The following CNNM4 variants were observed in gnomAD, a reference collection of about 807,000 sequenced individuals.
The protein encoded by CNNM4 is metal transporter CNNM4.
A neutral mutation model predicts 53.7 loss-of-function variants in CNNM4; 32 were observed. The ratio of observed to expected loss-of-function variants is 0.60; its 90% CI spans 0.45 to 0.80. CNNM4 has a LOEUF of 0.80. Ranked by LOEUF, CNNM4 falls within the 30% of genes least tolerant of loss-of-function variation. The pLI is 0.00. For missense variants in CNNM4, 784 were observed against 1,022.0 expected (o/e 0.77, Z 3.17); for synonymous variants, 410 against 440.0 (o/e 0.93, Z 0.85).
chr2:96,762,068 G>C lies in CNNM4; in HGVS notation c.1069G>C (p.Glu357Gln). Reference protein sequence around the residue: ...VTEPYNDLVKEELNMIQGALE... With the variant: ...VTEPYNDLVKQELNMIQGALE... ...GGAGCCCTATAATGACCTCGTGAAAGAGGAGCTCAATATGATCCAGGGTGC... is the reference window on the plus strand; with the variant it reads ...GGAGCCCTATAATGACCTCGTGAAACAGGAGCTCAATATGATCCAGGGTGC... The change falls in exon 1 of 7, where the codon GAG becomes CAG. Residue 357 changes from glutamate to glutamine, a missense_variant. This residue lies in a region of CNNM4 where 473 missense variants were observed against 624.6 expected (regional missense o/e 0.76). Transcript: ENST00000377075. The C allele has an allele frequency of 6.2e-7, 1 of 1,614,148 alleles. No individual in the cohort carries two copies. Among genetic ancestry groups the C allele is most frequent in the Non-Finnish European group, 8.5e-7 (1 of 1,180,036 alleles).
chr2:96,798,050 TG>T (rs1254373807), intron 3 of CNNM4, among the ~76,000 whole-genome samples: 14 of 151,862 alleles, frequency 9.2e-5, no homozygotes, highest in Non-Finnish European at 2.1e-4. Context: ...CCAGGCATGG[TG>T]GTGCCCTCCT....
At chr2:96,792,056 G>A (rs1003155338) in intron 1 of CNNM4, among the ~76,000 whole-genome samples, 4 of 151,512 alleles carry the variant, frequency 2.6e-5, no homozygotes, top group African/African-American at 9.7e-5. Flanking sequence ...GAGCAGGAGA[G>A]TAGCCTGGCC....
intron 1 of CNNM4, among the ~76,000 whole-genome samples, chr2:96,792,424 C>T (rs2079069930): frequency 6.6e-6 from 1 of 152,108 alleles, no homozygotes; most frequent in Non-Finnish European, 1.5e-5. Context: ...TTCTTTCCAT[C>T]TTCGGCCTCC....
At chr2:96,765,278 C>T (rs2078806265) in intron 1 of CNNM4, among the ~76,000 whole-genome samples, 1 of 151,338 alleles carries the variant, frequency 6.6e-6, no homozygotes. Flanking sequence ...GGGCATGTGC[C>T]ACCACCCCTG....
At chr2:96,807,260 C>T (rs577643658) in intron 5 of CNNM4, among the ~76,000 whole-genome samples, 2 of 152,230 alleles carry the variant, frequency 1.3e-5, no homozygotes, top group African/African-American at 4.8e-5. Context: ...CTGCCCGCAT[C>T]GGCCTCCTAA....
chr2:96,808,737 A>C lies in CNNM4; in HGVS notation c.2125A>C (p.Ile709Leu). 1 of 1,614,084 alleles carries C rather than the reference A, an allele frequency of 6.2e-7. No homozygotes were observed. The highest frequency in any genetic ancestry group is 8.5e-7 in the Non-Finnish European group (1 of 1,179,976). The change falls in exon 6 of 7, where the codon ATC becomes CTC. Residue 709 changes from isoleucine to leucine, a missense_variant. Coordinates refer to ENST00000377075, the MANE Select transcript of CNNM4 (RefSeq NM_020184.4). This position sits in a 1 kb window ranked among gnomAD's most constrained non-coding sequence, Gnocchi z 4.9. ...CCGGGCACTCGTGGACTTGCAGTAC[A>C]TCAAGGTGAGTGCCTCACTGCCCTG... ...SVRALVDLQYIKITRQQYQNG... is the reference protein window; with the variant it reads ...SVRALVDLQYLKITRQQYQNG...
At chr2:96,777,556 A>G (rs1364744794) in intron 1 of CNNM4, among the ~76,000 whole-genome samples, 12 of 152,050 alleles carry the variant, frequency 7.9e-5, no homozygotes, top group Non-Finnish European at 1.3e-4. Flanking sequence ...TCTGGAGTGT[A>G]GTGGCACGAT....
chr2:96,790,746 G>C (rs965288219), intron 1 of CNNM4, among the ~76,000 whole-genome samples: 2 of 151,428 alleles, frequency 1.3e-5, no homozygotes, highest in Non-Finnish European at 3.0e-5. Context: ...TTGGGAGGCC[G>C]AGGTGGGCGG....
At chr2:96,770,740 C>T (rs1172548092) in intron 1 of CNNM4, among the ~76,000 whole-genome samples, 3 of 152,198 alleles carry the variant, frequency 2.0e-5, no homozygotes, top group Non-Finnish European at 2.9e-5. Context: ...CTGAAGGAGT[C>T]GCTACTACAG....
intron 1 of CNNM4, among the ~76,000 whole-genome samples, chr2:96,781,845 A>C (rs1305272612): frequency 6.6e-6 from 1 of 152,246 alleles, no homozygotes; most frequent in South Asian, 2.1e-4. Context: ...AAGGCTTTCA[A>C]AGTTGATCAT....
intron 1 of CNNM4, among the ~76,000 whole-genome samples, chr2:96,789,448 C>T (rs1476031527): frequency 6.6e-6 from 1 of 152,132 alleles, no homozygotes; most frequent in Non-Finnish European, 1.5e-5. Context: ...TTCTGGAGGC[C>T]TCACATGGTG....
At chr2:96,770,476 G>C (rs2078858737) in intron 1 of CNNM4, among the ~76,000 whole-genome samples, 1 of 152,222 alleles carries the variant, frequency 6.6e-6, no homozygotes, top group Admixed American at 6.5e-5. Flanking sequence ...AGGGCGGGTA[G>C]ACATGGCGTT....
At chr2:96,804,826 G>A (rs1447679873) in intron 5 of CNNM4, among the ~76,000 whole-genome samples, 2 of 151,624 alleles carry the variant, frequency 1.3e-5, no homozygotes, top group African/African-American at 4.8e-5. Context: ...GTGAGCCACC[G>A]CACTCTGCCC....
chr2:96,773,026 A>G (rs1012919790), intron 1 of CNNM4, among the ~76,000 whole-genome samples: 15 of 152,272 alleles, frequency 9.9e-5, no homozygotes, highest in African/African-American at 3.4e-4. Context: ...ACATGTTCAC[A>G]CCCACCTGCT....
chr2:96,807,614 A>T (rs1288414766), intron 5 of CNNM4, among the ~76,000 whole-genome samples: 4 of 152,042 alleles, frequency 2.6e-5, no homozygotes, highest in Non-Finnish European at 5.9e-5. Context: ...GGGCACCTGT[A>T]ATCCCAGCTA....
At chr2:96,776,892 C>T (rs2078929964) in intron 1 of CNNM4, among the ~76,000 whole-genome samples, 1 of 152,118 alleles carries the variant, frequency 6.6e-6, no homozygotes, top group Non-Finnish European at 1.5e-5. Flanking sequence ...GGATTACAGG[C>T]GTGAGCCACT....
intron 5 of CNNM4, among the ~76,000 whole-genome samples, chr2:96,806,907 G>A (rs2079213782): frequency 6.6e-6 from 1 of 152,228 alleles, no homozygotes; most frequent in Non-Finnish European, 1.5e-5. Flanking sequence ...TGAGAGGGGA[G>A]AAGCGCCTGT....
intron 1 of CNNM4, among the ~76,000 whole-genome samples, chr2:96,791,588 CAA>C (rs56887981): frequency 1.1e-4 from 13 of 120,020 alleles, no homozygotes; most frequent in Non-Finnish European, 1.4e-4. Flanking sequence ...GACTCCGTCT[CAA>C]AAAAAAAAAA....
At chr2:96,789,233 C>T (rs1052056614) in intron 1 of CNNM4, among the ~76,000 whole-genome samples, 1 of 152,070 alleles carries the variant, frequency 6.6e-6, no homozygotes, top group Admixed American at 6.5e-5. Flanking sequence ...AGAAATGGGT[C>T]GGGATCCAGG....
Sources: allele counts gnomAD v4.1 joint callset (sites outside exome capture counted in the v4.1 genomes callset), GRCh38; gene constraint gnomAD v4.1.1; regional missense constraint gnomAD v4.1.1; non-coding constraint Gnocchi (gnomAD v3.1); transcripts MANE v1.5; gene names NCBI Gene and HGNC (gene_info 2026-07-23, HGNC 2026-07-21).